The following OPCML variants were observed in gnomAD, a reference collection of about 807,000 sequenced individuals.
OPCML encodes opioid binding protein/cell adhesion molecule like.
A neutral mutation model predicts 37.8 loss-of-function variants in OPCML; 13 were observed. The ratio of observed to expected loss-of-function variants is 0.34; its 90% CI spans 0.22 to 0.55. OPCML has a LOEUF of 0.55. OPCML is among the 20% of genes least tolerant of loss of function. The pLI, the probability that OPCML is intolerant of heterozygous loss-of-function variation, is 0.91. For missense variants in OPCML, 341 were observed against 435.6 expected, an observed-to-expected ratio of 0.78 and a Z score of 1.93; for synonymous variants, 176 against 168.8, an observed-to-expected ratio of 1.04 and a Z score of -0.33.
At chr11:132,778,145 T>C (rs1946870580) in intron 2 of OPCML, among the ~76,000 whole-genome samples, 2 of 152,228 alleles carry the variant, frequency 1.3e-5, no homozygotes, top group Non-Finnish European at 2.9e-5. Flanking sequence ...AAAGGCATGT[T>C]GTGTCATTAT....
At chr11:133,023,929 A>G (rs1947499833) in intron 1 of OPCML, among the ~76,000 whole-genome samples, 1 of 152,170 alleles carries the variant, frequency 6.6e-6, no homozygotes, top group South Asian at 2.1e-4. Context: ...CATTCTATGC[A>G]TCATAAGGTG....
At chr11:132,765,946 C>T (rs1946430126) in intron 2 of OPCML, among the ~76,000 whole-genome samples, 1 of 151,970 alleles carries the variant, frequency 6.6e-6, no homozygotes, top group Non-Finnish European at 1.5e-5. Flanking sequence ...AGAAAATGTG[C>T]AAAAAATAAT....
chr11:132,937,450 C>T lies in OPCML; in HGVS notation c.146+5476G>A, dbSNP rs116401351. On this transcript the variant is annotated intron_variant, in intron 2 of 7. Coordinates refer to ENST00000524381, the MANE Select transcript of OPCML (RefSeq NM_001012393.5). The stretch of plus-strand genomic sequence containing the variant: ...TATTTCTAATGCTTTAAAACGTCTT[C>T]TCCCACAGCCTGCTTCAAACAGGGG... Among the ~76,000 whole-genome samples, 829 of 152,038 alleles carry T rather than the reference C, an allele frequency of 5.5e-3. 8 individuals are homozygous for T. The highest frequency in any genetic ancestry group is 0.019 in the African/African-American group (800 of 41,526).
At chr11:132,918,676 G>A (rs775311982) in intron 2 of OPCML, among the ~76,000 whole-genome samples, 1 of 152,026 alleles carries the variant, frequency 6.6e-6, no homozygotes, top group Non-Finnish European at 1.5e-5. Context: ...GACATTCTAA[G>A]TTATGATTCC....
intron 1 of OPCML, among the ~76,000 whole-genome samples, chr11:133,196,792 A>C (rs545196500): frequency 5.3e-5 from 8 of 152,186 alleles, no homozygotes; most frequent in Non-Finnish European, 1.0e-4. Context: ...GTGGTTGGGC[A>C]CTCATAATTG....
intron 2 of OPCML, among the ~76,000 whole-genome samples, chr11:132,846,710 T>G (rs1362208425): frequency 6.6e-6 from 1 of 152,238 alleles, no homozygotes; most frequent in East Asian, 1.9e-4. Flanking sequence ...ATTTGCTATG[T>G]GACAGGCACT....
intron 1 of OPCML, among the ~76,000 whole-genome samples, chr11:133,063,342 C>A (rs1948383055): frequency 6.6e-6 from 1 of 152,126 alleles, no homozygotes; most frequent in African/African-American, 2.4e-5. Flanking sequence ...GACTAGACAG[C>A]CTCCCATGGG....
intron 1 of OPCML, among the ~76,000 whole-genome samples, chr11:133,326,301 G>A: frequency 1.6e-5 from 1 of 61,388 alleles, no homozygotes; most frequent in African/African-American, 1.1e-4. Flanking sequence ...GTGTGTGGGG[G>A]TGTGGGTATG....
intron 3 of OPCML, among the ~76,000 whole-genome samples, chr11:132,586,375 T>C (rs185607241): frequency 1.3e-5 from 2 of 152,336 alleles, no homozygotes; most frequent in Non-Finnish European, 2.9e-5. Flanking sequence ...TCATGTGTGA[T>C]TACAGTGGAC....
chr11:132,639,767 A>AT, intron 3 of OPCML, among the ~76,000 whole-genome samples: 1 of 152,236 alleles, frequency 6.6e-6, no homozygotes, highest in East Asian at 1.9e-4. Context: ...GGGACAACAG[A>AT]TAACTTTAGA....
chr11:132,769,693 C>T (rs903762999), intron 2 of OPCML, among the ~76,000 whole-genome samples: 5 of 152,166 alleles, frequency 3.3e-5, no homozygotes, highest in African/African-American at 1.2e-4. Flanking sequence ...CACAGACACG[C>T]ATGTGGGAGA....
chr11:133,301,405 G>A (rs1455371790), intron 1 of OPCML: 2 of 152,196 alleles, frequency 1.3e-5, no homozygotes, highest in Non-Finnish European at 2.9e-5. Context: ...TCTGCTCAGA[G>A]ATATTTATTG....
Position 132,529,074 on chromosome 11 carries a change from G to T in OPCML, c.492C>A (p.His164Gln). Residue 164 changes from histidine to glutamine, a missense_variant, in exon 4 of 8, where the codon CAC (histidine) becomes CAA (glutamine). By Grantham distance (24) the His-to-Gln change is conservative (BLOSUM62 0). Coordinates refer to ENST00000524381, the MANE Select transcript of OPCML (RefSeq NM_001012393.5). The part of the protein sequence containing the change: ...GRPEPTVTWR[H>Q]LSVKEGQGFV... The stretch of plus-strand genomic sequence containing the variant: ...TCAGCACCTTACCCTTGACTGACAG[G>T]TGTCTCCATGTCACAGTTGGCTCTG... 1 of 1,612,246 alleles carries T rather than the reference G, an allele frequency of 6.2e-7. No homozygotes were observed. Among genetic ancestry groups the T allele is most frequent in the South Asian group, 1.1e-5 (1 of 90,812 alleles).
At chr11:133,199,085 A>C (rs1938655516) in intron 1 of OPCML, among the ~76,000 whole-genome samples, 1 of 152,158 alleles carries the variant, frequency 6.6e-6, no homozygotes, top group Non-Finnish European at 1.5e-5. Context: ...AGAAGTGTTA[A>C]GCTGGCTAAC....
chr11:133,530,589 G>A (rs912244227), intron 1 of OPCML, among the ~76,000 whole-genome samples: 2 of 152,240 alleles, frequency 1.3e-5, no homozygotes, highest in Non-Finnish European at 2.9e-5. Context: ...GGTACTGAGT[G>A]TTCCGTTGGC....
intron 1 of OPCML, among the ~76,000 whole-genome samples, chr11:133,477,935 G>A (rs1408193114): frequency 6.6e-6 from 1 of 152,190 alleles, no homozygotes; most frequent in Non-Finnish European, 1.5e-5. Context: ...TTTGAGGAAA[G>A]GGTGTATGTA....
chr11:133,348,726 A>C (rs1335761211), intron 1 of OPCML, among the ~76,000 whole-genome samples: 1 of 152,236 alleles, frequency 6.6e-6, no homozygotes, highest in Non-Finnish European at 1.5e-5. Context: ...AAATTCATTT[A>C]AGTTAGTATA....
intron 1 of OPCML, among the ~76,000 whole-genome samples, chr11:133,486,105 AGTCTTTGT>A (rs1261454289): frequency 6.6e-6 from 1 of 152,210 alleles, no homozygotes; most frequent in Non-Finnish European, 1.5e-5. Context: ...ATATGAATTA[AGTCTTTGT>A]GCAAAAACAC....
intron 2 of OPCML, among the ~76,000 whole-genome samples, chr11:132,709,950 A>T (rs1944192063): frequency 6.6e-6 from 1 of 152,230 alleles, no homozygotes; most frequent in Non-Finnish European, 1.5e-5. Context: ...TTCATGGGAT[A>T]CATAGATACA....
Sources: allele counts gnomAD v4.1 joint callset (sites outside exome capture counted in the v4.1 genomes callset), GRCh38; gene constraint gnomAD v4.1.1; transcripts MANE v1.5; gene names NCBI Gene and HGNC (gene_info 2026-07-23, HGNC 2026-07-21).